Variants in HNRNPUL2 observed in about 807,000 individuals in gnomAD.
The protein encoded by HNRNPUL2 is heterogeneous nuclear ribonucleoprotein U-like protein 2.
Under a neutral mutation model 102.2 loss-of-function variants are expected in HNRNPUL2, and 27 were observed. The observed-to-expected ratio is 0.26, with a 90% CI of 0.19 to 0.36. The LOEUF is 0.36. HNRNPUL2 is among the 10% of genes least tolerant of loss of function. The probability of loss-of-function intolerance (pLI) is 1.00; values close to 1 mark genes in which losing one functional copy is unlikely to be tolerated. For synonymous variants in HNRNPUL2, 458 were observed against 387.2 expected, an observed-to-expected ratio of 1.18 and a Z score of -2.15; for missense variants, 936 against 981.1, an observed-to-expected ratio of 0.95 and a Z score of 0.61.
In HNRNPUL2 at chr11:62,715,230, G is replaced by A. The variant is rs534365768; in HGVS notation, c.*69C>T. On this transcript the variant is annotated 3_prime_UTR_variant, in exon 14 of 14. Transcript: ENST00000301785. ...GACAGCCCCTGTTTTCCTTGGTTGT[G>A]TTTTGCGGGGGTGCCTGGCACCCCC... 3 of 1,240,204 alleles carry A rather than the reference G, an allele frequency of 2.4e-6. No individual in the cohort carries two copies. The highest frequency in any genetic ancestry group is 2.3e-6 in the Non-Finnish European group (2 of 879,658). The allele number at this position is 1,240,204 out of a possible 1,614,324, so 76.8% of individuals were successfully genotyped here.
Position 62,723,691 on chromosome 11 carries a change from G to C in HNRNPUL2, c.787C>G (p.Arg263Gly). The change falls in exon 4 of 14, where the codon CGC (arginine) becomes GGC (glycine). Residue 263 changes from arginine (R) to glycine (G), a missense_variant. Physicochemically the swap from Arg to Gly is moderately radical, Grantham distance 125 (BLOSUM62 -2). Transcript: ENST00000301785. Reference sequence around the variant, plus strand: ...GAGAAAAGTGGCTGCCCTCCATAGCGGTCTTTGCTCACTTGAAAATGCAGA... The same window carrying C: ...GAGAAAAGTGGCTGCCCTCCATAGCCGTCTTTGCTCACTTGAAAATGCAGA... ...SDLHFQVSKD[R>G]YGGQPLFSEK... The C allele has an allele frequency of 6.2e-7, 1 of 1,614,166 alleles. No homozygotes were observed. The highest frequency in any genetic ancestry group is 8.5e-7 in the Non-Finnish European group (1 of 1,180,038).
At chr11:62,718,786 G>GCCTCTA (rs1252372853) in intron 10 of HNRNPUL2, among the ~76,000 whole-genome samples, 1 of 149,504 alleles carries the variant, frequency 6.7e-6, no homozygotes, top group African/African-American at 2.5e-5. Context: ...ATTCACAGAA[G>GCCTCTA]CCTCTCCCTT....
In HNRNPUL2 at chr11:62,721,310, G is replaced by A. The variant is rs187328575; in HGVS notation, c.1596C>T (p.Asn532=). The A allele has an allele frequency of 2.7e-5, 44 of 1,607,130 alleles. 1 individual carries two copies. The East Asian group carries it at 9.8e-4, about 36-fold the overall frequency. Residue 532 remains asparagine, a synonymous_variant, in exon 9 of 14, where the codon AAC becomes AAT. Transcript: ENST00000301785. ...AGATTAATACCTGATCAAGAATAAA[G>A]TTCCTCTTTGTCCGGGAAGCAATCT... The part of the protein sequence containing the change: ...LVQIASRTKR[N]FILDQCNVYN...
At position 62,722,771 on chromosome 11, in the gene HNRNPUL2, T is replaced by C. The variant is rs766623827; in HGVS notation, c.982+42A>G. ...CGGACTTCCCATAGAGTAAGCAATA[T>C]GGTAGTAAACACTAATGAGGAACTT... On this transcript the variant is annotated intron_variant, in intron 5 of 13. Transcript: ENST00000301785. 7 of 1,605,532 alleles carry C rather than the reference T, an allele frequency of 4.4e-6. No individual in the cohort carries two copies. The Admixed American group carries it at 8.3e-5, about 19-fold the overall frequency.
intron 12 of HNRNPUL2, 62 bp from the exon 13 acceptor site, chr11:62,715,669 G>T: frequency 7.9e-7 from 1 of 1,270,444 alleles, no homozygotes; most frequent in Non-Finnish European, 1.2e-6. Context: ...GACCCACCGT[G>T]ACCCCCTTTT....
Position 62,724,386 on chromosome 11 carries a change from T to C in HNRNPUL2, c.579A>G (p.Ser193=), listed in dbSNP as rs760442432. 2 of 1,614,222 alleles carry C rather than the reference T, an allele frequency of 1.2e-6. No homozygotes were observed. Among genetic ancestry groups the C allele is most frequent in the South Asian group, 2.2e-5 (2 of 91,082 alleles). The change falls in exon 2 of 14, where the codon TCA becomes TCG. Residue 193 remains serine (S), a synonymous_variant. Transcript: ENST00000301785. ...TCTTTACCCCCCGCCGCTCACCATC[T>C]GAGCCTGCTGGTTTTGACTTTTCAC... ...QDSEKSKPAG[S]DGERRGVKRQ...
At chr11:62,726,157 T>C (rs1210350025) in intron 1 of HNRNPUL2, among the ~76,000 whole-genome samples, 1 of 152,186 alleles carries the variant, frequency 6.6e-6, no homozygotes, top group Non-Finnish European at 1.5e-5. Context: ...TCTGGTAACA[T>C]GCTTTTAATG....
chr11:62,716,971 C>A lies in HNRNPUL2; in HGVS notation c.1981+18G>T. The A allele has an allele frequency of 6.2e-7, 1 of 1,611,780 alleles. No individual in the cohort carries two copies. Among genetic ancestry groups the A allele is most frequent in the Non-Finnish European group, 8.5e-7 (1 of 1,179,562 alleles). ...AGAATGGACTGAAGTAGGGGGCTGG[C>A]AGGTCCCCAAGACTCACCATAGCCT... is the stretch of plus-strand genomic sequence containing the variant. On this transcript the variant is annotated intron_variant, in intron 11 of 13. Transcript: ENST00000301785.
At chr11:62,725,803 T>G (rs915497566) in intron 1 of HNRNPUL2, among the ~76,000 whole-genome samples, 1 of 152,188 alleles carries the variant, frequency 6.6e-6, no homozygotes, top group Non-Finnish European at 1.5e-5. Context: ...CCTGGGGCGA[T>G]TCTACAACAC....
At chr11:62,723,349 G>A (rs2083718654) in intron 4 of HNRNPUL2, among the ~76,000 whole-genome samples, 1 of 152,168 alleles carries the variant, frequency 6.6e-6, no homozygotes, top group South Asian at 2.1e-4. Flanking sequence ...AAATTAGCCA[G>A]GTGTGGTGGC....
In HNRNPUL2 at chr11:62,714,271, C is replaced by CT. The variant is rs2083641787; in HGVS notation, c.*1027_*1028insA. The stretch of plus-strand genomic sequence containing the variant: ...CTCAGCACCTGGGCCTGTGAGCCCA[C>CT]ACCACAGGATTCACCTATATACATA... On this transcript the variant is annotated 3_prime_UTR_variant, in exon 14 of 14. Coordinates refer to ENST00000301785, the MANE Select transcript of HNRNPUL2 (RefSeq NM_001079559.3). The CT allele has an allele frequency of 1.3e-5, 2 of 152,138 alleles. No homozygotes were observed. The highest frequency in any genetic ancestry group is 2.4e-5 in the African/African-American group (1 of 41,414). The allele number at this position is 152,138 out of a possible 1,614,324, so 9.4% of individuals were successfully genotyped here. A position where few individuals can be genotyped will look rare whatever the true frequency, so the allele number is the denominator to read the frequency against.
rs2083701585 is a variant in HNRNPUL2 at position 62,721,391 on chromosome 11, G to C, written c.1515C>G (p.Pro505=). The change falls in exon 9 of 14, where the codon CCC becomes CCG. Residue 505 remains proline, a synonymous_variant. Coordinates refer to ENST00000301785, the MANE Select transcript of HNRNPUL2 (RefSeq NM_001079559.3). ...GCTGAACTAAAAGGTCTCGGCTTTT[G>C]GGGTCCATCTCTGGCTCCTCGAGAC... The part of the protein sequence containing the change: ...MKGLEEPEMD[P]KSRDLLVQQA... 1 of 1,607,710 alleles carries C rather than the reference G, an allele frequency of 6.2e-7. No homozygotes were observed. The highest frequency in any genetic ancestry group is 1.1e-5 in the South Asian group (1 of 89,726).
At chr11:62,726,588 T>C (rs772803646) in intron 1 of HNRNPUL2, 31 bp downstream of exon 1, 63 of 1,501,410 alleles carry the variant, frequency 4.2e-5, no homozygotes, top group Admixed American at 1.6e-4. Context: ...AGCCGGCAGG[T>C]TGGAGCCGGG....
rs747615622 is a variant in HNRNPUL2, at chr11:62,715,500, A to C, written c.2163T>G (p.Asp721Glu). The C allele has an allele frequency of 6.2e-7, 1 of 1,608,736 alleles. No homozygotes were observed. Among genetic ancestry groups the C allele is most frequent in the Non-Finnish European group, 8.5e-7 (1 of 1,175,350 alleles). Reference sequence around the variant, plus strand: ...GTGTCTATCCCAAGAAGATACTCACATCCCGATTGTATTGTCTGTAATAGT... The same window carrying C: ...GTGTCTATCCCAAGAAGATACTCACCTCCCGATTGTATTGTCTGTAATAGT... The part of the protein sequence containing the change: ...YRDYYRQYNR[D>E]WQSYYYHHPQ... Residue 721 changes from aspartate (D) to glutamate (E), a missense_variant and splice_region_variant, in exon 13 of 14, where the codon GAT becomes GAG. Around this residue, in one of 2 missense-constraint regions of HNRNPUL2, gnomAD observed 609 missense variants for 713.0 expected, o/e 0.85. Coordinates refer to ENST00000301785, the MANE Select transcript of HNRNPUL2 (RefSeq NM_001079559.3).
rs2083644195 is a variant in HNRNPUL2, at chr11:62,714,530, A to G, written c.*769T>C. 1 of 152,134 alleles carries G rather than the reference A, an allele frequency of 6.6e-6. No individual in the cohort carries two copies. Among genetic ancestry groups the G allele is most frequent in the African/African-American group, 2.4e-5 (1 of 41,412 alleles). 9.4% of individuals were successfully genotyped at this position (152,134 alleles called of 1,614,324 possible). ...TTTACAGGAATTAATCAATGGGTCTATAGAAGGGGCAGGCTATTCTGCTCT... is the reference window on the plus strand; with the variant it reads ...TTTACAGGAATTAATCAATGGGTCTGTAGAAGGGGCAGGCTATTCTGCTCT... On this transcript the variant is annotated 3_prime_UTR_variant, in exon 14 of 14. Coordinates refer to ENST00000301785, the MANE Select transcript of HNRNPUL2 (RefSeq NM_001079559.3).
intron 1 of HNRNPUL2, 30 bp downstream of exon 1, chr11:62,726,589 T>A: frequency 6.7e-7 from 1 of 1,503,234 alleles, no homozygotes. Flanking sequence ...GCCGGCAGGT[T>A]GGAGCCGGGC....
rs1293149228 is a variant in HNRNPUL2 at position 62,726,773 on chromosome 11, G to T, written c.384C>A (p.Ser128=). The change falls in exon 1 of 14, where the codon TCC becomes TCA. Residue 128 remains serine, a synonymous_variant. Coordinates refer to ENST00000301785, the MANE Select transcript of HNRNPUL2 (RefSeq NM_001079559.3). The part of the protein sequence containing the change: ...AMEAAAEPDA[S]EKPAEATAGS... ...CGGCCGTGGCCTCCGCCGGCTTCTC[G>T]GAAGCATCTGGCTCGGCCGCGGCCT... 1.0e-5 allele frequency: 16 copies of T among 1,600,828 alleles called. No homozygotes were observed. The highest frequency in any genetic ancestry group is 1.7e-5 in the Admixed American group (1 of 59,980).
Position 62,722,730 on chromosome 11 carries a change from A to G in HNRNPUL2, c.983-17T>C, listed in dbSNP as rs1348380331. 6.2e-7 allele frequency: 1 copy of G among 1,609,894 alleles called. No homozygotes were observed. The highest frequency in any genetic ancestry group is 1.3e-5 in the African/African-American group (1 of 74,824). On this transcript the variant is annotated splice_polypyrimidine_tract_variant and intron_variant, in intron 5 of 13. Coordinates refer to ENST00000301785, the MANE Select transcript of HNRNPUL2 (RefSeq NM_001079559.3). ...CATCTTCACCTAGAACAGTCAACAA[A>G]TTAGTTACCTACAACCGGACTTCCC...
chr11:62,723,799 C>CAACTTATA, intron 3 of HNRNPUL2, 73 bp from the exon 4 acceptor site: 1 of 1,604,864 alleles, frequency 6.2e-7, no homozygotes, highest in Non-Finnish European at 8.5e-7. Flanking sequence ...ATAAGTATAC[C>CAACTTATA]AGTTGTTGTA....
Sources: gnomAD v4.1 joint callset for allele counts (sites outside exome capture counted in the v4.1 genomes callset) on GRCh38, gnomAD v4.1.1 for gene constraint, gnomAD v4.1.1 regional missense constraint, MANE v1.5 for transcripts, NCBI Gene and HGNC (gene_info 2026-07-23, HGNC 2026-07-21) for gene names.